Variants in SLC40A1 observed in about 807,000 individuals in gnomAD.
The protein encoded by SLC40A1 is solute carrier family 40 member 1.
Under a neutral mutation model 53.5 loss-of-function variants are expected in SLC40A1, and 16 were observed. The ratio of observed to expected loss-of-function variants is 0.30; its 90% CI spans 0.20 to 0.45. The LOEUF (loss-of-function observed/expected upper bound fraction) is 0.45, where lower values mean the gene tolerates loss of function less well. Among genes scored for constraint, SLC40A1 ranks in the 20% least tolerant of loss-of-function variants. SLC40A1 has a pLI of 1.00. For missense variants in SLC40A1, 545 were observed against 695.4 expected (o/e 0.78, Z 2.43); for synonymous variants, 247 against 253.2 (o/e 0.98, Z 0.23).
intron 7 of SLC40A1, among the ~76,000 whole-genome samples, chr2:189,562,570 T>G (rs1017435938): frequency 6.6e-6 from 1 of 152,316 alleles, no homozygotes; most frequent in African/African-American, 2.4e-5. Context: ...ATGGTTAAAG[T>G]GTAAGGAAAC....
chr2:189,575,471 G>C (rs532991092), intron 2 of SLC40A1, 151 bp from the exon 3 acceptor site: 1 of 740,132 alleles, frequency 1.4e-6, no homozygotes, highest in Admixed American at 2.1e-5. Flanking sequence ...ATACTGCTCA[G>C]ATGTTAAAAC....
intron 3 of SLC40A1, among the ~76,000 whole-genome samples, chr2:189,574,723 T>C (rs1315266520): frequency 6.6e-6 from 1 of 152,214 alleles, no homozygotes; most frequent in Non-Finnish European, 1.5e-5. Context: ...TTGAAGCTAT[T>C]CTTAGTTTTC....
intron 5 of SLC40A1, among the ~76,000 whole-genome samples, chr2:189,568,593 A>G (rs2031011711): frequency 6.6e-6 from 1 of 152,254 alleles, no homozygotes; most frequent in South Asian, 2.1e-4. Context: ...TTAGTCTTAC[A>G]TAAGCACACA....
Position 189,561,542 on chromosome 2 carries a change from G to T in SLC40A1, c.*336C>A. 3.8e-6 allele frequency: 1 copy of T among 259,836 alleles called. No individual in the cohort carries two copies. Among genetic ancestry groups the T allele is most frequent in the Non-Finnish European group, 7.5e-6 (1 of 133,700 alleles). 16.1% of individuals were successfully genotyped at this position (259,836 alleles called of 1,614,324 possible). A position where few individuals can be genotyped will look rare whatever the true frequency, so the allele number is the denominator to read the frequency against. On this transcript the variant is annotated 3_prime_UTR_variant, in exon 8 of 8. Coordinates refer to ENST00000261024, the MANE Select transcript of SLC40A1 (RefSeq NM_014585.6). ...CATATCTGAATTCTAGTACAGATAA[G>T]AATCTGTCAAATGATAACTGAATTC... is the stretch of plus-strand genomic sequence containing the variant.
Position 189,564,088 on chromosome 2 carries a change from C to T in SLC40A1, c.898G>A (p.Val300Ile). Residue 300 changes from valine (V) to isoleucine (I), a missense_variant, in exon 7 of 8, where the codon GTC becomes ATC. Coordinates refer to ENST00000261024, the MANE Select transcript of SLC40A1 (RefSeq NM_014585.6). ...AACACAGGCTGGTTGTAGTAGGAGACCCATCCATCTCGGAAGGTACGGAAG... is the reference window on the plus strand; with the variant it reads ...AACACAGGCTGGTTGTAGTAGGAGATCCATCCATCTCGGAAGGTACGGAAG... ...EPFRTFRDGWVSYYNQPVFLA... is the reference protein window; with the variant it reads ...EPFRTFRDGWISYYNQPVFLA... 1.2e-6 allele frequency: 2 copies of T among 1,610,778 alleles called. No individual in the cohort carries two copies. Among genetic ancestry groups the T allele is most frequent in the Non-Finnish European group, 1.7e-6 (2 of 1,177,812 alleles).
chr2:189,562,596 T>C (rs1278951029), intron 7 of SLC40A1, among the ~76,000 whole-genome samples: 1 of 152,214 alleles, frequency 6.6e-6, no homozygotes, highest in Non-Finnish European at 1.5e-5. Context: ...ACCATTGTTA[T>C]ATTACTGCTA....
At chr2:189,570,110 G>A (rs1293272378) in intron 5 of SLC40A1, among the ~76,000 whole-genome samples, 1 of 149,338 alleles carries the variant, frequency 6.7e-6, no homozygotes, top group African/African-American at 2.5e-5. Flanking sequence ...ATATATATAT[G>A]TGTATATATA....
intron 6 of SLC40A1, 35 bp downstream of exon 6, chr2:189,565,319 G>T: frequency 6.2e-7 from 1 of 1,612,618 alleles, no homozygotes; most frequent in South Asian, 1.1e-5. Flanking sequence ...GTCTGAACAT[G>T]AGAACAAAAG....
At chr2:189,579,901 T>A (rs555193844) in intron 1 of SLC40A1, 21 bp from the exon 2 acceptor site, 1 of 1,605,862 alleles carries the variant, frequency 6.2e-7, no homozygotes, top group East Asian at 2.2e-5. Context: ...ACAGGCGGGG[T>A]GACAAAAAGC....
chr2:189,580,592 A>G lies in SLC40A1; in HGVS notation c.-132T>C. Reference sequence around the variant, plus strand: ...AAACACAACAGCCTTGGGCAAAAAGACTACAACGACGACTTTGGCAAAGAA... The same window carrying G: ...AAACACAACAGCCTTGGGCAAAAAGGCTACAACGACGACTTTGGCAAAGAA... On this transcript the variant is annotated 5_prime_UTR_variant, in exon 1 of 8. Coordinates refer to ENST00000261024, the MANE Select transcript of SLC40A1 (RefSeq NM_014585.6). 1 of 1,574,972 alleles carries G rather than the reference A, an allele frequency of 6.3e-7. No homozygotes were observed. The highest frequency in any genetic ancestry group is 1.3e-5 in the African/African-American group (1 of 74,420).
chr2:189,577,789 T>A (rs1023451420), intron 2 of SLC40A1, among the ~76,000 whole-genome samples: 2 of 148,618 alleles, frequency 1.3e-5, no homozygotes, highest in Admixed American at 6.7e-5. Flanking sequence ...AATTTTTAAA[T>A]TTTTTTTTGC....
intron 3 of SLC40A1, 129 bp from the exon 4 acceptor site, chr2:189,573,090 A>T: frequency 1.3e-6 from 1 of 756,234 alleles, no homozygotes; most frequent in East Asian, 2.7e-5. Flanking sequence ...TAAAAAGAAA[A>T]CCTTTCTGAA....
Position 189,571,353 on chromosome 2 carries a change from T to C in SLC40A1, c.514+362A>G, listed in dbSNP as rs542877556. On this transcript the variant is annotated intron_variant, in intron 5 of 7. Coordinates refer to ENST00000261024, the MANE Select transcript of SLC40A1 (RefSeq NM_014585.6). Reference sequence around the variant, plus strand: ...CATCCATATGATTGATAAGCACCAGTAATAACATTCATAGGTATGACCAGT... The same window carrying C: ...CATCCATATGATTGATAAGCACCAGCAATAACATTCATAGGTATGACCAGT... Among the ~76,000 whole-genome samples, 11 of 152,114 alleles carry C rather than the reference T, an allele frequency of 7.2e-5. No individual in the cohort carries two copies. The South Asian group carries it at 2.3e-3, about 32-fold the overall frequency.
At chr2:189,579,778 G>A (rs759052788) in intron 2 of SLC40A1, 35 bp downstream of exon 2, 22 of 1,573,176 alleles carry the variant, frequency 1.4e-5, no homozygotes, top group South Asian at 5.5e-5. Flanking sequence ...AAAAAATTGC[G>A]CAACTGTGTT....
Position 189,563,804 on chromosome 2 carries a change from A to G in SLC40A1, c.1182T>C (p.Pro394=). The change falls in exon 7 of 8, where the codon CCT becomes CCC. Residue 394 remains proline (P), a synonymous_variant. Transcript: ENST00000261024. ...LILCVISVFM[P]GSPLDLSVSP... ...AAACGGACAAGTCCAGGGGGCTTCC[A>G]GGCATGAATACAGAGATCACACACA... The G allele has an allele frequency of 1.9e-6, 3 of 1,614,232 alleles. No individual in the cohort carries two copies. The highest frequency in any genetic ancestry group is 1.1e-5 in the South Asian group (1 of 91,086).
intron 6 of SLC40A1, 100 bp from the exon 7 acceptor site, chr2:189,564,325 G>A: frequency 1.1e-6 from 1 of 946,632 alleles, no homozygotes; most frequent in Non-Finnish European, 1.7e-6. Flanking sequence ...CTTCCCAATG[G>A]GTACCCTTGG....
Position 189,563,964 on chromosome 2 carries a change from A to G in SLC40A1, c.1022T>C (p.Ile341Thr). The part of the protein sequence containing the change: ...YAYTQGLSGS[I>T]LSILMGASAI... ...TGATGCTCCCATCAAAATACTGAGG[A>G]TGGAACCACTCAGTCCCTGAGTGTA... is the stretch of plus-strand genomic sequence containing the variant. The change falls in exon 7 of 8, where the codon ATC becomes ACC. Residue 341 changes from isoleucine (I) to threonine (T), a missense_variant. Around this residue, in one of 4 missense-constraint regions of SLC40A1, gnomAD observed 234 missense variants for 299.0 expected, o/e 0.78. Transcript: ENST00000261024. 1.2e-6 allele frequency: 2 copies of G among 1,614,132 alleles called. No individual in the cohort carries two copies. Among genetic ancestry groups the G allele is most frequent in the Non-Finnish European group, 1.7e-6 (2 of 1,179,994 alleles).
chr2:189,575,430 C>T, intron 2 of SLC40A1, 110 bp from the exon 3 acceptor site: 1 of 987,690 alleles, frequency 1.0e-6, no homozygotes, highest in Non-Finnish European at 1.6e-6. Context: ...CATTATGAGA[C>T]TTTCAAAGTC....
chr2:189,572,738 T>C (rs1347188212), intron 4 of SLC40A1, 108 bp downstream of exon 4: 14 of 764,432 alleles, frequency 1.8e-5, no homozygotes, highest in South Asian at 1.3e-4. Context: ...GAAATCAATA[T>C]TAAAAGGTCA....
Sources: allele counts gnomAD v4.1 joint callset (sites outside exome capture counted in the v4.1 genomes callset), GRCh38; gene constraint gnomAD v4.1.1; regional missense constraint gnomAD v4.1.1; transcripts MANE v1.5; gene names NCBI Gene and HGNC (gene_info 2026-07-23, HGNC 2026-07-21).